DMXL1: variants seen among roughly 807,000 people sequenced by gnomAD.
The protein encoded by DMXL1 is Dmx like 1.
A neutral mutation model predicts 319.2 loss-of-function variants in DMXL1; 99 were observed. That is an observed-to-expected ratio of 0.31 (90% CI 0.26 to 0.37). The LOEUF is 0.37. DMXL1 is among the 10% of genes least tolerant of loss of function. DMXL1 has a pLI of 1.00. For synonymous variants in DMXL1, 1,385 were observed against 1,235.2 expected (o/e 1.12, Z -2.54); for missense variants, 3,745 against 3,595.6 (o/e 1.04, Z -1.06).
At position 119,170,566 on chromosome 5, in the gene DMXL1, AC is replaced by A; in HGVS notation, c.5776del (p.Gln1926SerfsTer3). 1 of 1,613,922 alleles carries A rather than the reference AC, an allele frequency of 6.2e-7. No individual in the cohort carries two copies. Among genetic ancestry groups the A allele is most frequent in the Non-Finnish European group, 8.5e-7 (1 of 1,179,918 alleles). ...ATAAGTCTTCTGCTGTTGATTGGTCACAGTCACTGATAAATGGTTTTGGATC... is the reference window on the plus strand; with the variant it reads ...ATAAGTCTTCTGCTGTTGATTGGTCAAGTCACTGATAAATGGTTTTGGATC... ...EDKSSAVDWS[Q>X]SLINGFGSSS... On this transcript the variant is annotated frameshift_variant, in exon 24 of 44. Transcript: ENST00000539542. LOFTEE classifies it high-confidence loss of function.
intron 24 of DMXL1, 141 bp downstream of exon 24, chr5:119,171,421 A>G (rs1774519736): frequency 2.4e-6 from 2 of 817,014 alleles, no homozygotes; most frequent in Non-Finnish European, 3.7e-6. Flanking sequence ...GGTCCTTCAT[A>G]TTATGAATTA....
At chr5:119,105,788 T>G (rs1758205733) in intron 4 of DMXL1, among the ~76,000 whole-genome samples, 1 of 151,830 alleles carries the variant, frequency 6.6e-6, no homozygotes, top group African/African-American at 2.4e-5. Context: ...TCCCAGCTAC[T>G]TGGGAGGCTG....
intron 43 of DMXL1, among the ~76,000 whole-genome samples, chr5:119,245,610 G>T (rs979573440): frequency 1.3e-5 from 2 of 151,066 alleles, no homozygotes; most frequent in African/African-American, 2.4e-5. Context: ...CACGATCTCG[G>T]CTCACTGCAA....
At chr5:119,128,056 A>C (rs377382487) in intron 9 of DMXL1, 6 of 443,898 alleles carry the variant, frequency 1.4e-5, no homozygotes, top group Non-Finnish European at 2.2e-5. Context: ...TCAATTTACT[A>C]TCAGTGTAGT....
intron 34 of DMXL1, among the ~76,000 whole-genome samples, chr5:119,208,120 G>A (rs1007195476): frequency 1.3e-5 from 2 of 151,772 alleles, no homozygotes; most frequent in African/African-American, 4.8e-5. Context: ...TGGGGGTTTT[G>A]AGGGAATATA....
Position 119,188,286 on chromosome 5 carries a change from C to T in DMXL1, c.7136-1422C>T, listed in dbSNP as rs975028896. Among the ~76,000 whole-genome samples the T allele has an allele frequency of 2.6e-5, 4 of 151,878 alleles. No individual in the cohort carries two copies. The South Asian group carries it at 8.3e-4, about 31-fold the overall frequency. On this transcript the variant is annotated intron_variant, in intron 28 of 43. Transcript: ENST00000539542. The stretch of plus-strand genomic sequence containing the variant: ...CTTTTTAATAACATAAAAACAAAAA[C>T]AGCCAGGTGCAGTGGCACAAGCCTG...
chr5:119,124,786 G>A (rs938643445), intron 9 of DMXL1, among the ~76,000 whole-genome samples: 8 of 151,872 alleles, frequency 5.3e-5, no homozygotes, highest in East Asian at 1.9e-4. Flanking sequence ...GGCTGGTCTC[G>A]AGCTCCTGAC....
At chr5:119,230,370 T>G (rs1314891958) in intron 38 of DMXL1, among the ~76,000 whole-genome samples, 3 of 152,240 alleles carry the variant, frequency 2.0e-5, no homozygotes, top group African/African-American at 7.2e-5. Context: ...TCTAAAAGTT[T>G]AAGGAATACT....
Position 119,177,986 on chromosome 5 carries a change from G to GTTTT in DMXL1, c.6887-9_6887-8insTTTT. 1 of 1,578,376 alleles carries GTTTT rather than the reference G, an allele frequency of 6.3e-7. No individual in the cohort carries two copies. The highest frequency in any genetic ancestry group is 8.6e-7 in the Non-Finnish European group (1 of 1,160,214). On this transcript the variant is annotated splice_polypyrimidine_tract_variant and intron_variant, in intron 27 of 43. Transcript: ENST00000539542. ...TAGTCAGTGACAGCTATGTTTGTTT[G>GTTTT]TCGTTCTAGGAATAACTTGTCTAAT...
chr5:119,072,003 T>G (rs1018415992), intron 1 of DMXL1, among the ~76,000 whole-genome samples: 1 of 152,136 alleles, frequency 6.6e-6, no homozygotes, highest in Admixed American at 6.6e-5. Context: ...AGGTTCAAAT[T>G]GTCAAATTTA....
At chr5:119,081,505 A>T (rs1752184098) in intron 1 of DMXL1, 1 of 921,808 alleles carries the variant, frequency 1.1e-6, no homozygotes, top group Non-Finnish European at 1.3e-6. Context: ...CTTTGACTCA[A>T]ACATCTTCAC....
intron 1 of DMXL1, among the ~76,000 whole-genome samples, chr5:119,080,042 A>G (rs1387103305): frequency 6.6e-6 from 1 of 152,148 alleles, no homozygotes; most frequent in Non-Finnish European, 1.5e-5. Flanking sequence ...GGATTGTTCC[A>G]CTTGAAGTTG....
intron 28 of DMXL1, among the ~76,000 whole-genome samples, chr5:119,183,504 G>A (rs927302875): frequency 1.3e-5 from 2 of 152,112 alleles, no homozygotes; most frequent in African/African-American, 2.4e-5. Context: ...GCAGAGACTC[G>A]TACCGTCGCC....
chr5:119,106,470 A>G (rs1758372057), intron 4 of DMXL1, among the ~76,000 whole-genome samples: 1 of 152,208 alleles, frequency 6.6e-6, no homozygotes, highest in Non-Finnish European at 1.5e-5. Flanking sequence ...GAGAAAGCAT[A>G]AGATACATTA....
At chr5:119,092,774 T>C (rs952767839) in intron 1 of DMXL1, among the ~76,000 whole-genome samples, 22 of 152,228 alleles carry the variant, frequency 1.4e-4, no homozygotes, top group Non-Finnish European at 2.6e-4. Context: ...TTCATATAAG[T>C]GAAATAATAA....
chr5:119,177,931 ATAGT>A, intron 27 of DMXL1, 61 bp from the exon 28 acceptor site: 1 of 1,382,298 alleles, frequency 7.2e-7, no homozygotes, highest in Non-Finnish European at 9.6e-7. Flanking sequence ...TTAGAAAAAT[ATAGT>A]TAATTTTTAA....
intron 13 of DMXL1, 65 bp from the exon 14 acceptor site, chr5:119,143,776 T>C (rs1486081270): frequency 2.8e-6 from 3 of 1,087,340 alleles, no homozygotes; most frequent in Non-Finnish European, 4.0e-6. Flanking sequence ...GCTTGAAATT[T>C]TGTTATTTAC....
chr5:119,221,054 T>C lies in DMXL1; in HGVS notation c.8250T>C (p.Ser2750=). 1 of 1,613,346 alleles carries C rather than the reference T, an allele frequency of 6.2e-7. No individual in the cohort carries two copies. Among genetic ancestry groups the C allele is most frequent in the African/African-American group, 1.3e-5 (1 of 75,034 alleles). ...CAATCAACATGCCATGGCTTGGTAGTACACAGACTGGCAGAGGAGCATCTG... is the reference window on the plus strand; with the variant it reads ...CAATCAACATGCCATGGCTTGGTAGCACACAGACTGGCAGAGGAGCATCTG... The part of the protein sequence containing the change: ...GTPINMPWLG[S]TQTGRGASVM... Residue 2750 remains serine (S), a synonymous_variant, in exon 37 of 44, where the codon AGT becomes AGC. Coordinates refer to ENST00000539542, the MANE Select transcript of DMXL1 (RefSeq NM_001290321.3).
rs1436080233 is a variant in DMXL1 at position 119,149,249 on chromosome 5, A to G, written c.3422A>G (p.His1141Arg). 6.2e-7 allele frequency: 1 copy of G among 1,613,932 alleles called. No homozygotes were observed. The highest frequency in any genetic ancestry group is 1.7e-5 in the Admixed American group (1 of 59,982). The change falls in exon 18 of 44, where the codon CAC (histidine) becomes CGC (arginine). Residue 1141 changes from histidine (H) to arginine (R), a missense_variant. Transcript: ENST00000539542. ...ACATCAAACACAAAGCATTTAGTTC[A>G]CTTAGATTGGATGTCTAGAGAAGAC... The part of the protein sequence containing the change: ...NITSNTKHLV[H>R]LDWMSREDGS...
Sources: gnomAD v4.1 joint callset for allele counts (sites outside exome capture counted in the v4.1 genomes callset) on GRCh38, gnomAD v4.1.1 for gene constraint, MANE v1.5 for transcripts, NCBI Gene and HGNC (gene_info 2026-07-23, HGNC 2026-07-21) for gene names.